ADCY9: variants seen among roughly 807,000 people sequenced by gnomAD.
ADCY9 encodes adenylate cyclase 9.
ADCY9 carries 50 observed loss-of-function variants against 101.5 expected under a neutral mutation model. The ratio of observed to expected loss-of-function variants is 0.49; its 90% CI spans 0.39 to 0.62. The LOEUF is 0.62. Ranked by LOEUF, ADCY9 falls within the 20% of genes least tolerant of loss-of-function variation. The pLI is 0.00. For missense variants in ADCY9, 1,662 were observed against 1,800.4 expected (o/e 0.92, Z 1.39); for synonymous variants, 905 against 769.3 (o/e 1.18, Z -2.92).
intron 6 of ADCY9, among the ~76,000 whole-genome samples, chr16:3,986,285 G>A (rs66833885): frequency 0.16 from 24,172 of 152,062 alleles, 2,359 homozygotes; most frequent in South Asian, 0.33. Context: ...GTCCCCAAAC[G>A]CGGGCCAGCT....
At chr16:4,097,554 T>TATA (rs1491239469) in intron 2 of ADCY9, among the ~76,000 whole-genome samples, 41 of 24,144 alleles carry the variant, frequency 1.7e-3, no homozygotes, top group African/African-American at 4.6e-3. Flanking sequence ...TATATATATA[T>TATA]TTTTTTTTTT....
At chr16:4,098,382 C>T (rs760066491) in intron 2 of ADCY9, among the ~76,000 whole-genome samples, 1 of 151,876 alleles carries the variant, frequency 6.6e-6, no homozygotes, top group Non-Finnish European at 1.5e-5. Context: ...TACAGGTGCA[C>T]GCCACCAAGC....
At chr16:4,046,411 G>T (rs920411308) in intron 2 of ADCY9, among the ~76,000 whole-genome samples, 1 of 152,134 alleles carries the variant, frequency 6.6e-6, no homozygotes, top group African/African-American at 2.4e-5. Flanking sequence ...TGTAAATAAG[G>T]AAAAACTGCA....
intron 2 of ADCY9, among the ~76,000 whole-genome samples, chr16:4,028,667 T>C (rs1346367665): frequency 6.6e-6 from 1 of 152,248 alleles, no homozygotes; most frequent in Non-Finnish European, 1.5e-5. Context: ...GATGATACCC[T>C]AAATTTTCTA....
chr16:4,049,156 C>T (rs2056684774), intron 2 of ADCY9, among the ~76,000 whole-genome samples: 1 of 152,242 alleles, frequency 6.6e-6, no homozygotes, highest in Admixed American at 6.5e-5. Flanking sequence ...TTGCCAAGCT[C>T]ACCCAGAAGA....
chr16:4,088,318 G>T (rs2056952678), intron 2 of ADCY9, among the ~76,000 whole-genome samples: 2 of 151,932 alleles, frequency 1.3e-5, no homozygotes, highest in Non-Finnish European at 2.9e-5. Context: ...TTTAGATAGG[G>T]TCTTGCTGTG....
intron 2 of ADCY9, among the ~76,000 whole-genome samples, chr16:4,054,668 T>C (rs1045879444): frequency 6.6e-6 from 1 of 152,028 alleles, no homozygotes; most frequent in African/African-American, 2.4e-5. Context: ...CCTCCCGGGT[T>C]CAAGCAATTC....
chr16:3,973,485 G>A (rs2056069326), intron 10 of ADCY9, among the ~76,000 whole-genome samples: 1 of 152,058 alleles, frequency 6.6e-6, no homozygotes, highest in South Asian at 2.1e-4. Context: ...GGAATTACAG[G>A]CATGAGCCAA....
At position 4,055,828 on chromosome 16, in the gene ADCY9, C is replaced by T. The variant is rs866250812; in HGVS notation, c.1694-48270G>A. On this transcript the variant is annotated intron_variant, in intron 2 of 10. Transcript: ENST00000294016. ...CAGCGTGGGCGACAGAGCGAGGATC[C>T]GTTTCAAAAAAAAAAAAAGATACCT... is the stretch of plus-strand genomic sequence containing the variant. Among the ~76,000 whole-genome samples, 52 of 150,910 alleles carry T rather than the reference C, an allele frequency of 3.4e-4. No homozygotes were observed. The Middle Eastern group carries it at 0.014, about 39-fold the overall frequency.
intron 8 of ADCY9, among the ~76,000 whole-genome samples, chr16:3,978,705 G>T (rs1567419357): frequency 6.6e-6 from 1 of 152,108 alleles, no homozygotes. Flanking sequence ...CTCTTCAAGG[G>T]TTTATTTTAT....
At chr16:3,962,082 G>C (rs1597128012), downstream of ADCY9, among the ~76,000 whole-genome samples, 1 of 152,020 alleles carries the variant, frequency 6.6e-6, no homozygotes, top group African/African-American at 2.4e-5. Context: ...CAGGGGAAGG[G>C]GCTCTAACCC....
chr16:4,111,678 A>G (rs2057114746), intron 2 of ADCY9, among the ~76,000 whole-genome samples: 1 of 152,208 alleles, frequency 6.6e-6, no homozygotes, highest in Non-Finnish European at 1.5e-5. Flanking sequence ...GCTAAAGGAA[A>G]GAATATCACT....
At position 4,020,466 on chromosome 16, in the gene ADCY9, C is replaced by A. The variant is rs547551451; in HGVS notation, c.1694-12908G>T. On this transcript the variant is annotated intron_variant, in intron 2 of 10. Coordinates refer to ENST00000294016, the MANE Select transcript of ADCY9 (RefSeq NM_001116.4). ...ATTCACTGTTATTTATTATAGATGA[C>A]ATTTAGACGCAAATACGAGAGGGAG... Among the ~76,000 whole-genome samples, 10 of 152,214 alleles carry A rather than the reference C, an allele frequency of 6.6e-5. No individual in the cohort carries two copies. The South Asian group carries it at 2.1e-3, about 32-fold the overall frequency.
At chr16:4,001,448 A>G (rs2056330017) in intron 3 of ADCY9, among the ~76,000 whole-genome samples, 1 of 152,172 alleles carries the variant, frequency 6.6e-6, no homozygotes, top group South Asian at 2.1e-4. Flanking sequence ...ACACCACACT[A>G]GGGTACCGGA....
At chr16:4,046,217 A>T (rs1314621969) in intron 2 of ADCY9, among the ~76,000 whole-genome samples, 1 of 152,140 alleles carries the variant, frequency 6.6e-6, no homozygotes, top group East Asian at 1.9e-4. Flanking sequence ...GAGTCGCAGA[A>T]GCAATCAGCA....
intron 2 of ADCY9, among the ~76,000 whole-genome samples, chr16:4,028,703 G>A (rs1188239329): frequency 6.6e-6 from 1 of 152,156 alleles, no homozygotes; most frequent in Non-Finnish European, 1.5e-5. Context: ...ACTTTTCACA[G>A]CTGAGCTTCA....
rs554422596 is a variant in ADCY9 at position 4,040,518 on chromosome 16, G to A, written c.1694-32960C>T. On this transcript the variant is annotated intron_variant, in intron 2 of 10. Transcript: ENST00000294016. Reference sequence around the variant, plus strand: ...GTCACCCAAGCTAGAGTGCAGTGGCGCAATCTCGGCTCACTGCAATCTCCA... The same window carrying A: ...GTCACCCAAGCTAGAGTGCAGTGGCACAATCTCGGCTCACTGCAATCTCCA... Among the ~76,000 whole-genome samples, 259 of 150,496 alleles carry A rather than the reference G, an allele frequency of 1.7e-3. 1 individual carries two copies. Among genetic ancestry groups the A allele is most frequent in the African/African-American group, 5.9e-3 (242 of 40,854 alleles).
At chr16:3,958,399 G>A (rs1038048851), downstream of ADCY9, among the ~76,000 whole-genome samples, 2 of 151,804 alleles carry the variant, frequency 1.3e-5, no homozygotes, top group Non-Finnish European at 2.9e-5. Flanking sequence ...AATTAGCCGG[G>A]TGTGGTGGTG....
intron 2 of ADCY9, among the ~76,000 whole-genome samples, chr16:4,013,483 C>T (rs1417007924): frequency 6.6e-6 from 1 of 151,894 alleles, no homozygotes; most frequent in Non-Finnish European, 1.5e-5. Flanking sequence ...GAAGAATAAT[C>T]AGGAAGGAAA....
Sources: allele counts gnomAD v4.1 joint callset (sites outside exome capture counted in the v4.1 genomes callset), GRCh38; gene constraint gnomAD v4.1.1; transcripts MANE v1.5; gene names NCBI Gene and HGNC (gene_info 2026-07-23, HGNC 2026-07-21).